The following SYT14 variants were observed in gnomAD, a reference collection of about 807,000 sequenced individuals.
SYT14 encodes the protein synaptotagmin-14.
SYT14 carries 32 observed loss-of-function variants against 74.2 expected under a neutral mutation model. The ratio of observed to expected loss-of-function variants is 0.43; its 90% CI spans 0.33 to 0.58. The LOEUF (loss-of-function observed/expected upper bound fraction) is 0.58, where lower values mean the gene tolerates loss of function less well. SYT14 is among the 20% of genes least tolerant of loss of function. The pLI, the probability that SYT14 is intolerant of heterozygous loss-of-function variation, is 0.05. For missense variants in SYT14, 791 were observed against 981.8 expected (o/e 0.81, Z 2.60); for synonymous variants, 298 against 337.7 (o/e 0.88, Z 1.29).
At chr1:210,111,580 G>A (rs748236293) in intron 7 of SYT14, among the ~76,000 whole-genome samples, 2 of 151,110 alleles carry the variant, frequency 1.3e-5, no homozygotes, top group African/African-American at 4.9e-5. Context: ...GATTAGGTTC[G>A]GCATGGGAAC....
rs1380124969 is a variant in SYT14 at position 210,086,169 on chromosome 1, T to C, written c.1313-8153T>C. On this transcript the variant is annotated intron_variant, in intron 5 of 9. Transcript: ENST00000637265. ...TTTATTAGAGATATTCCTCACTGCA[T>C]TTTATCAGGTGGGGTACAATTTTGA... Among the ~76,000 whole-genome samples, 5 of 152,200 alleles carry C rather than the reference T, an allele frequency of 3.3e-5. No individual in the cohort carries two copies. In the East Asian group the frequency reaches 9.6e-4, roughly 29 times the overall value.
intron 2 of SYT14, among the ~76,000 whole-genome samples, chr1:209,992,548 A>C (rs2079710807): frequency 6.6e-6 from 1 of 152,152 alleles, no homozygotes; most frequent in Admixed American, 6.5e-5. Context: ...AGTGTGAGAG[A>C]AGGATGAGGG....
intron 7 of SYT14, among the ~76,000 whole-genome samples, chr1:210,125,749 T>C (rs1572345677): frequency 6.6e-6 from 1 of 152,242 alleles, no homozygotes; most frequent in Non-Finnish European, 1.5e-5. Context: ...AGAAGTTTAG[T>C]ATTAATGATA....
At chr1:210,061,600 T>A (rs2081209131) in intron 5 of SYT14, among the ~76,000 whole-genome samples, 1 of 151,876 alleles carries the variant, frequency 6.6e-6, no homozygotes, top group Admixed American at 6.6e-5. Context: ...CTAAGAAAAC[T>A]CAATTTAAGT....
Position 209,970,376 on chromosome 1 carries a change from C to T in SYT14, c.-486+17620C>T, listed in dbSNP as rs141163953. 5.5e-3 allele frequency among the ~76,000 whole-genome samples: 831 copies of T among 152,010 alleles called. 4 individuals are homozygous for T. Among genetic ancestry groups the T allele is most frequent in the African/African-American group, 0.018 (759 of 41,500 alleles). ...GTCAGAGATCAGTTGGCTATAGGTA[C>T]GTACCTTTATTTCTGGGTTGTCTGT... On this transcript the variant is annotated intron_variant, in intron 2 of 9. Coordinates refer to ENST00000637265, the Ensembl canonical transcript of SYT14.
chr1:210,136,599 G>A (rs185337907), intron 7 of SYT14, among the ~76,000 whole-genome samples: 2 of 152,234 alleles, frequency 1.3e-5, no homozygotes, highest in Admixed American at 1.3e-4. Flanking sequence ...GACAAGAAGG[G>A]GCTGATGAAC....
chr1:210,096,501 C>T (rs143429539), intron 6 of SYT14, among the ~76,000 whole-genome samples: 328 of 152,264 alleles, frequency 2.2e-3, no homozygotes, highest in Non-Finnish European at 3.2e-3. Flanking sequence ...AAGTGAGTAT[C>T]GGTAGCAAGA....
chr1:210,018,856 G>T (rs549566777), intron 4 of SYT14, among the ~76,000 whole-genome samples: 1 of 152,236 alleles, frequency 6.6e-6, no homozygotes, highest in Non-Finnish European at 1.5e-5. Flanking sequence ...AAAGGGGGAA[G>T]GCCAGGCACG....
At chr1:209,999,269 A>T (rs1257743543) in intron 2 of SYT14, among the ~76,000 whole-genome samples, 1 of 152,152 alleles carries the variant, frequency 6.6e-6, no homozygotes, top group Non-Finnish European at 1.5e-5. Context: ...GTTGTCAAGG[A>T]TGCAGAAAAG....
chr1:210,136,958 G>A (rs1408377035), intron 7 of SYT14, among the ~76,000 whole-genome samples: 1 of 152,148 alleles, frequency 6.6e-6, no homozygotes, highest in Non-Finnish European at 1.5e-5. Flanking sequence ...AAAGGAGCAG[G>A]CCTCACTAGA....
At chr1:210,078,914 AT>A (rs111936834) in intron 5 of SYT14, among the ~76,000 whole-genome samples, 215 of 143,542 alleles carry the variant, frequency 1.5e-3, no homozygotes, top group African/African-American at 4.9e-3. Flanking sequence ...ATGCCTGGCT[AT>A]TTTTTTTTTT....
chr1:210,059,451 T>TATATATATATATAGAGAGAGAGAGAG (rs377050610), intron 5 of SYT14, among the ~76,000 whole-genome samples: 5 of 69,890 alleles, frequency 7.2e-5, no homozygotes, highest in Admixed American at 1.6e-4. Flanking sequence ...TATATATATA[T>TATATATATATATAGAGAGAGAGAGAG]AGAGAGAGAG....
chr1:210,008,295 T>G (rs1572150285), intron 2 of SYT14, among the ~76,000 whole-genome samples: 1 of 152,242 alleles, frequency 6.6e-6, no homozygotes, highest in East Asian at 1.9e-4. Flanking sequence ...AGTTATTGAC[T>G]GTATTCAACA....
At chr1:210,021,709 G>A (rs564594827) in intron 5 of SYT14, among the ~76,000 whole-genome samples, 1 of 152,314 alleles carries the variant, frequency 6.6e-6, no homozygotes, top group East Asian at 1.9e-4. Flanking sequence ...GCAGACAGCG[G>A]AAGAAATGGT....
rs577885812 is a variant in SYT14, at chr1:209,960,554, C to T, written c.-486+7798C>T. ...ATATTTGAGAAATAGTAGCAAAAAA[C>T]AGCTTTCCAATCTTTTCTCCCATTT... On this transcript the variant is annotated intron_variant, in intron 2 of 9. Transcript: ENST00000637265. 1.1e-4 allele frequency among the ~76,000 whole-genome samples: 17 copies of T among 152,216 alleles called. 2 individuals are homozygous for T. The South Asian group carries it at 2.9e-3, about 26-fold the overall frequency.
At chr1:210,052,665 CAA>C (rs561069342) in intron 5 of SYT14, among the ~76,000 whole-genome samples, 20 of 42,252 alleles carry the variant, frequency 4.7e-4, no homozygotes, top group African/African-American at 1.8e-3. Context: ...TACATCTCAC[CAA>C]AAAAAAAAAA....
intron 9 of SYT14, among the ~76,000 whole-genome samples, chr1:210,160,056 A>G (rs1328595204): frequency 2.0e-5 from 3 of 152,206 alleles, no homozygotes; most frequent in Non-Finnish European, 2.9e-5. Flanking sequence ...AGCACATTAA[A>G]TGTACTCTTG....
chr1:210,138,172 C>G (rs757292865), intron 7 of SYT14, among the ~76,000 whole-genome samples: 6 of 152,146 alleles, frequency 3.9e-5, no homozygotes, highest in Admixed American at 3.3e-4. Context: ...ACTCATAGTT[C>G]CACATGACTG....
At chr1:210,057,405 C>T (rs554453859) in intron 5 of SYT14, among the ~76,000 whole-genome samples, 5 of 152,240 alleles carry the variant, frequency 3.3e-5, no homozygotes, top group Non-Finnish European at 4.4e-5. Context: ...AAGGCCAACT[C>T]CTGCCATGAA....
Sources: gnomAD v4.1 joint callset for allele counts (sites outside exome capture counted in the v4.1 genomes callset) on GRCh38, gnomAD v4.1.1 for gene constraint, MANE v1.5 for transcripts, NCBI Gene and HGNC (gene_info 2026-07-23, HGNC 2026-07-21) for gene names.